The following PRICKLE1 variants were observed in gnomAD, a reference collection of about 807,000 sequenced individuals.
PRICKLE1 encodes the protein prickle-like protein 1.
PRICKLE1 carries 14 observed loss-of-function variants against 70.2 expected under a neutral mutation model. The ratio of observed to expected loss-of-function variants is 0.20; its 90% CI spans 0.13 to 0.31. The LOEUF is 0.31. Among genes scored for constraint, PRICKLE1 ranks in the 10% least tolerant of loss-of-function variants. The pLI, the probability that PRICKLE1 is intolerant of heterozygous loss-of-function variation, is 1.00. For synonymous variants in PRICKLE1, 357 were observed against 379.9 expected, an observed-to-expected ratio of 0.94 and a Z score of 0.70; for missense variants, 821 against 1,026.2, an observed-to-expected ratio of 0.80 and a Z score of 2.73.
chr12:42,531,114 T>A (rs1939910074), intron 1 of PRICKLE1, among the ~76,000 whole-genome samples: 1 of 61,454 alleles, frequency 1.6e-5, no homozygotes, highest in African/African-American at 5.1e-5. Context: ...TGGCACGATC[T>A]CGGCTCACTG....
intron 1 of PRICKLE1, among the ~76,000 whole-genome samples, chr12:42,541,801 C>T (rs969489904): frequency 1.3e-5 from 2 of 152,206 alleles, no homozygotes; most frequent in Non-Finnish European, 2.9e-5. Flanking sequence ...TTGTTCCCTA[C>T]ATTAGGCTGA....
intron 1 of PRICKLE1, chr12:42,489,657 TAAAAAAAAA>T (rs71084661): frequency 1.5e-5 from 1 of 67,796 alleles, no homozygotes. Flanking sequence ...GAGACTTCTC[TAAAAAAAAA>T]AAAAAAAAAA....
chr12:42,464,678 C>G lies in PRICKLE1; in HGVS notation c.1356G>C (p.Lys452Asn). 6.2e-7 allele frequency: 1 copy of G among 1,614,082 alleles called. No homozygotes were observed. ...HWISDNMVKSKTELKQNNQSL... is the reference protein window; with the variant it reads ...HWISDNMVKSNTELKQNNQSL... Reference sequence around the variant, plus strand: ...TCTGGTTATTTTGCTTTAACTCGGTCTTACTTTTAACCATGTTATCAGATA... The same window carrying G: ...TCTGGTTATTTTGCTTTAACTCGGTGTTACTTTTAACCATGTTATCAGATA... The change falls in exon 7 of 8, where the codon AAG becomes AAC. Residue 452 changes from lysine (K) to asparagine (N), a missense_variant. Physicochemically the swap from Lys to Asn is moderately conservative, Grantham distance 94. Transcript: ENST00000345127. The surrounding 1 kb of genome is among the most constrained non-coding windows in gnomAD (Gnocchi z 4.2).
intron 1 of PRICKLE1, among the ~76,000 whole-genome samples, chr12:42,487,037 C>G (rs1245068505): frequency 2.0e-5 from 3 of 152,150 alleles, no homozygotes; most frequent in Non-Finnish European, 4.4e-5. Flanking sequence ...CTAAAAGAAT[C>G]ACAAAATCAA....
chr12:42,495,927 G>A (rs1211247631), intron 1 of PRICKLE1, among the ~76,000 whole-genome samples: 2 of 152,162 alleles, frequency 1.3e-5, no homozygotes, highest in African/African-American at 2.4e-5. Context: ...AGTCTTCCAT[G>A]AGGGTTGAAA....
chr12:42,539,725 GAA>G (rs1258818263), intron 1 of PRICKLE1, among the ~76,000 whole-genome samples: 4 of 152,108 alleles, frequency 2.6e-5, no homozygotes, highest in African/African-American at 9.7e-5. Context: ...TTTGTATTTT[GAA>G]AAGTCACATA....
intron 5 of PRICKLE1, among the ~76,000 whole-genome samples, chr12:42,466,754 AG>A (rs1375939930): frequency 6.6e-6 from 1 of 152,258 alleles, no homozygotes; most frequent in Non-Finnish European, 1.5e-5. Flanking sequence ...GTGTTTTAGT[AG>A]AAAGAAAACT....
At chr12:42,565,807 C>A (rs1397391372) in intron 1 of PRICKLE1, among the ~76,000 whole-genome samples, 1 of 152,180 alleles carries the variant, frequency 6.6e-6, no homozygotes, top group East Asian at 1.9e-4. Flanking sequence ...TGAGGACAGA[C>A]TGGGCTAAGG....
intron 7 of PRICKLE1, among the ~76,000 whole-genome samples, chr12:42,461,548 G>C (rs1433948144): frequency 6.6e-6 from 1 of 152,164 alleles, no homozygotes; most frequent in Non-Finnish European, 1.5e-5. Flanking sequence ...TCACACCAGA[G>C]ACCGTAGGCC....
chr12:42,578,667 A>G (rs1223431451), intron 1 of PRICKLE1, among the ~76,000 whole-genome samples: 1 of 152,182 alleles, frequency 6.6e-6, no homozygotes, highest in Non-Finnish European at 1.5e-5. Context: ...TCCAAATAAA[A>G]TATCTCTATC....
At chr12:42,579,194 T>C (rs1334630001) in intron 1 of PRICKLE1, among the ~76,000 whole-genome samples, 3 of 152,084 alleles carry the variant, frequency 2.0e-5, no homozygotes, top group Non-Finnish European at 4.4e-5. Flanking sequence ...CTTAAGAGGA[T>C]TGGGGAGTGC....
chr12:42,460,846 T>C (rs1037691847), intron 7 of PRICKLE1, 181 bp from the exon 8 acceptor site: 6 of 710,808 alleles, frequency 8.4e-6, no homozygotes, highest in Middle Eastern at 3.8e-4. Context: ...AATGCAGTTA[T>C]TGTTATAAGG....
At chr12:42,561,616 T>C (rs1940513721) in intron 1 of PRICKLE1, among the ~76,000 whole-genome samples, 1 of 152,246 alleles carries the variant, frequency 6.6e-6, no homozygotes, top group Non-Finnish European at 1.5e-5. Context: ...TACAGGTTAA[T>C]ATGTCTGTTA....
At chr12:42,587,022 G>A (rs565561333) in intron 1 of PRICKLE1, among the ~76,000 whole-genome samples, 1 of 152,258 alleles carries the variant, frequency 6.6e-6, no homozygotes, top group Admixed American at 6.5e-5. Context: ...TTTTATCTGG[G>A]GGACTCAAGC....
At chr12:42,545,951 GT>G (rs1464013459) in intron 1 of PRICKLE1, among the ~76,000 whole-genome samples, 1 of 150,876 alleles carries the variant, frequency 6.6e-6, no homozygotes. Flanking sequence ...GAATGACTTA[GT>G]AAAAAAAAAT....
chr12:42,526,338 T>A (rs1242031112), intron 1 of PRICKLE1, among the ~76,000 whole-genome samples: 1 of 151,860 alleles, frequency 6.6e-6, no homozygotes, highest in East Asian at 1.9e-4. Context: ...AGTTACAGAA[T>A]GGAGGTATGA....
intron 1 of PRICKLE1, chr12:42,485,206 G>A (rs558700462): frequency 1.6e-5 from 2 of 124,854 alleles, no homozygotes; most frequent in South Asian, 5.4e-4. Flanking sequence ...GCCAAATTCT[G>A]TTATCTCAGC....
At chr12:42,523,237 GATTAC>G (rs1329592401) in intron 1 of PRICKLE1, among the ~76,000 whole-genome samples, 1 of 152,230 alleles carries the variant, frequency 6.6e-6, no homozygotes, top group Non-Finnish European at 1.5e-5. Context: ...AAAGTGCTGG[GATTAC>G]AGGCGTAAGC....
chr12:42,533,057 A>AT (rs1234102095), intron 1 of PRICKLE1, among the ~76,000 whole-genome samples: 15 of 152,180 alleles, frequency 9.9e-5, no homozygotes, highest in African/African-American at 3.6e-4. Flanking sequence ...CTAGAAAATC[A>AT]TTAATGAGAT....
Sources: gnomAD v4.1 joint callset for allele counts (sites outside exome capture counted in the v4.1 genomes callset) on GRCh38, gnomAD v4.1.1 for gene constraint, Gnocchi (gnomAD v3.1) non-coding constraint, MANE v1.5 for transcripts, NCBI Gene and HGNC (gene_info 2026-07-23, HGNC 2026-07-21) for gene names.